Variants in ERC1 observed in about 807,000 individuals in gnomAD.
ERC1 encodes the protein RAB6 interacting protein 2.
ERC1 carries 56 observed loss-of-function variants against 132.0 expected under a neutral mutation model. That is an observed-to-expected ratio of 0.42 (90% confidence interval 0.34 to 0.53). The LOEUF (loss-of-function observed/expected upper bound fraction) is 0.53. ERC1 is among the 20% of genes least tolerant of loss of function. The pLI is 0.03. For missense variants in ERC1, 1,202 were observed against 1,349.9 expected (o/e 0.89, Z 1.72); for synonymous variants, 478 against 476.1 (o/e 1.00, Z -0.05).
intron 15 of ERC1, among the ~76,000 whole-genome samples, chr12:1,350,781 T>G (rs1364938277): frequency 6.6e-6 from 1 of 152,222 alleles, no homozygotes; most frequent in African/African-American, 2.4e-5. Context: ...CTCATGGTTC[T>G]GTGGGCTAAG....
chr12:1,413,455 G>A (rs756630140), intron 17 of ERC1, among the ~76,000 whole-genome samples: 3 of 152,002 alleles, frequency 2.0e-5, no homozygotes, highest in Non-Finnish European at 4.4e-5. Flanking sequence ...TTAGCTGGGT[G>A]TCATGGCAGG....
At chr12:1,043,053 T>C (rs548276834) in intron 2 of ERC1, among the ~76,000 whole-genome samples, 72 of 151,306 alleles carry the variant, frequency 4.8e-4, no homozygotes, top group African/African-American at 1.6e-3. Context: ...CTTTTCTTTT[T>C]TTTTTTTTTA....
chr12:1,175,508 C>G (rs1321412771), intron 8 of ERC1, among the ~76,000 whole-genome samples: 1 of 148,534 alleles, frequency 6.7e-6, no homozygotes, highest in Non-Finnish European at 1.5e-5. Flanking sequence ...ATTACTCATT[C>G]AGAAGAAGCA....
chr12:1,466,268 A>G (rs111501975), intron 18 of ERC1, among the ~76,000 whole-genome samples: 6 of 152,060 alleles, frequency 3.9e-5, no homozygotes, highest in East Asian at 1.9e-4. Flanking sequence ...CACGTGGTCT[A>G]TCCTCTCTCC....
chr12:1,389,692 A>G (rs2089771953), intron 16 of ERC1, among the ~76,000 whole-genome samples: 1 of 152,232 alleles, frequency 6.6e-6, no homozygotes, highest in African/African-American at 2.4e-5. Context: ...TGATATATAA[A>G]TTAATAAAGC....
chr12:1,020,785 TG>T (rs1434180182), intron 1 of ERC1: 1 of 152,174 alleles, frequency 6.6e-6, no homozygotes, highest in Non-Finnish European at 1.5e-5. Context: ...GAGTTAGTCA[TG>T]AAAGTACATC....
chr12:1,009,373 A>G (rs994264199), intron 1 of ERC1, among the ~76,000 whole-genome samples: 4 of 152,108 alleles, frequency 2.6e-5, no homozygotes, highest in African/African-American at 9.6e-5. Context: ...ACAGGGTTTC[A>G]CCGTGTTAGC....
At chr12:1,149,696 A>G (rs1294755932) in intron 8 of ERC1, among the ~76,000 whole-genome samples, 1 of 152,100 alleles carries the variant, frequency 6.6e-6, no homozygotes, top group East Asian at 1.9e-4. Flanking sequence ...ACCATGCCAG[A>G]CATCTTTTTT....
chr12:1,472,804 A>G (rs1331183614), intron 18 of ERC1, among the ~76,000 whole-genome samples: 1 of 152,210 alleles, frequency 6.6e-6, no homozygotes, highest in African/African-American at 2.4e-5. Context: ...CACTTATTAC[A>G]TGCCAGGCAT....
intron 1 of ERC1, among the ~76,000 whole-genome samples, chr12:1,009,319 T>A (rs866612686): frequency 1.3e-5 from 2 of 151,770 alleles, no homozygotes; most frequent in Admixed American, 6.6e-5. Context: ...GGACTACAGG[T>A]GCCCGCCACC....
Position 1,313,466 on chromosome 12 carries a change from T to C in ERC1, c.2780+23454T>C, listed in dbSNP as rs142290447. 3.4e-3 allele frequency among the ~76,000 whole-genome samples: 523 copies of C among 152,214 alleles called. 2 individuals carry two copies. Among genetic ancestry groups the C allele is most frequent in the African/African-American group, 0.012 (495 of 41,534 alleles). On this transcript the variant is annotated intron_variant, in intron 15 of 18. Coordinates refer to ENST00000360905, the MANE Select transcript of ERC1 (RefSeq NM_178040.4). The stretch of plus-strand genomic sequence containing the variant: ...GATTCAACTTTCCTGTTCAGAAACG[T>C]GTTATAACTCCATATATTGCTTTAA...
rs573286681 is a variant in ERC1, at chr12:1,388,127, C to T, written c.2925+16150C>T. Among the ~76,000 whole-genome samples, 15 of 151,992 alleles carry T rather than the reference C, an allele frequency of 9.9e-5. No homozygotes were observed. In the East Asian group the frequency reaches 1.4e-3, roughly 14 times the overall value. ...TTGTAATCCCAGCACTTTGGGAGGC[C>T]GAGGCGGGCGGATCAGGAGGTCAGA... is the stretch of plus-strand genomic sequence containing the variant. On this transcript the variant is annotated intron_variant, in intron 16 of 18. Coordinates refer to ENST00000360905, the MANE Select transcript of ERC1 (RefSeq NM_178040.4).
At chr12:1,181,610 C>G (rs1455883592) in intron 9 of ERC1, among the ~76,000 whole-genome samples, 1 of 151,912 alleles carries the variant, frequency 6.6e-6, no homozygotes, top group East Asian at 1.9e-4. Context: ...ACCAGCCTGA[C>G]CAACGTGGAG....
chr12:1,242,570 A>T (rs1422450534), intron 13 of ERC1, among the ~76,000 whole-genome samples: 1 of 152,232 alleles, frequency 6.6e-6, no homozygotes, highest in Non-Finnish European at 1.5e-5. Context: ...TTCACCTATA[A>T]AATAACCTTT....
At chr12:1,200,154 A>T (rs1453336936) in intron 12 of ERC1, among the ~76,000 whole-genome samples, 4 of 152,198 alleles carry the variant, frequency 2.6e-5, no homozygotes, top group African/African-American at 9.6e-5. Flanking sequence ...TTATACAATG[A>T]AAATGGAGGT....
At chr12:1,457,492 C>G (rs2057800) in intron 18 of ERC1, among the ~76,000 whole-genome samples, 10,877 of 152,088 alleles carry the variant, frequency 0.072, 1,281 homozygotes, top group African/African-American at 0.25. Flanking sequence ...CTCATAAAAA[C>G]CGTTTTCTAG....
chr12:1,038,578 C>T (rs542027516), intron 2 of ERC1, among the ~76,000 whole-genome samples: 2 of 152,252 alleles, frequency 1.3e-5, no homozygotes, highest in Non-Finnish European at 2.9e-5. Context: ...CCAGACTGGT[C>T]TTGAATTCCT....
At chr12:1,018,939 T>C (rs1965926914) in intron 1 of ERC1, among the ~76,000 whole-genome samples, 1 of 152,064 alleles carries the variant, frequency 6.6e-6, no homozygotes, top group African/African-American at 2.4e-5. Flanking sequence ...AAATGAGCAG[T>C]AGTTAGCCAG....
At chr12:1,128,988 T>C (rs941587821) in intron 7 of ERC1, among the ~76,000 whole-genome samples, 2 of 152,100 alleles carry the variant, frequency 1.3e-5, no homozygotes, top group African/African-American at 4.8e-5. Context: ...TCTATGTAAA[T>C]TGAGCCCAAC....
Sources: gnomAD v4.1 joint callset for allele counts (sites outside exome capture counted in the v4.1 genomes callset) on GRCh38, gnomAD v4.1.1 for gene constraint, MANE v1.5 for transcripts, NCBI Gene and HGNC (gene_info 2026-07-23, HGNC 2026-07-21) for gene names.